Variants in DNAH3 observed in about 807,000 individuals in gnomAD.
The protein encoded by DNAH3 is axonemal beta dynein heavy chain 3.
Under a neutral mutation model 432.5 loss-of-function variants are expected in DNAH3, and 332 were observed. The ratio of observed to expected loss-of-function variants is 0.77; its 90% CI spans 0.70 to 0.84. The LOEUF is 0.84. DNAH3 is among the 40% of genes least tolerant of loss of function. DNAH3 has a pLI of 0.00. For missense variants in DNAH3, 4,861 were observed against 5,114.0 expected, an observed-to-expected ratio of 0.95 and a Z score of 1.51; for synonymous variants, 1,956 against 1,900.2, an observed-to-expected ratio of 1.03 and a Z score of -0.76.
In DNAH3 at chr16:21,159,410, A is replaced by T; in HGVS notation, c.32T>A (p.Leu11Gln). The T allele has an allele frequency of 6.2e-7, 1 of 1,614,074 alleles. No individual in the cohort carries two copies. The highest frequency in any genetic ancestry group is 2.2e-5 in the East Asian group (1 of 44,868). The change falls in exon 1 of 62, where the codon CTG becomes CAG. Residue 11 changes from leucine to glutamine, a missense_variant. Coordinates refer to ENST00000261383, the Ensembl canonical transcript of DNAH3. ...TGGGCCCGGATGGGGAGGGGCGGCC[A>T]GTGTGAGCTCGAGGCGCCCTGTAGC...
chr16:21,151,730 AC>A (rs893520927), intron 1 of DNAH3, among the ~76,000 whole-genome samples: 1 of 152,184 alleles, frequency 6.6e-6, no homozygotes, highest in Admixed American at 6.5e-5. Flanking sequence ...TACGATAAAC[AC>A]AGAAATACAT....
intron 44 of DNAH3, among the ~76,000 whole-genome samples, chr16:20,995,390 C>T (rs564425690): frequency 1.3e-5 from 2 of 152,080 alleles, no homozygotes; most frequent in South Asian, 2.1e-4. Flanking sequence ...TTCAGCCTCC[C>T]GGGTAGCTGG....
intron 1 of DNAH3, among the ~76,000 whole-genome samples, chr16:21,151,593 C>T (rs762853676): frequency 6.6e-6 from 1 of 152,132 alleles, no homozygotes; most frequent in Non-Finnish European, 1.5e-5. Context: ...CTGCGCCCAG[C>T]CCAGTTTTTC....
rs1028544767 is a variant in DNAH3, at chr16:20,947,779, G to T, written c.11343+704C>A. ...TCAATAAAAGTAAGTGGTTTTTTTT[G>T]TTTGTTTGTTTGTTTTTTTGAGACA... On this transcript the variant is annotated intron_variant, in intron 57 of 61. Coordinates refer to ENST00000261383, the Ensembl canonical transcript of DNAH3. 7.9e-5 allele frequency among the ~76,000 whole-genome samples: 12 copies of T among 151,620 alleles called. No individual in the cohort carries two copies. The South Asian group carries it at 8.3e-4, about 10-fold the overall frequency.
chr16:20,935,272 T>G, intron 61 of DNAH3, 76 bp downstream of exon 61: 1 of 1,568,678 alleles, frequency 6.4e-7, no homozygotes, highest in Non-Finnish European at 8.7e-7. Flanking sequence ...TCCACATTTT[T>G]TGACTCATAA....
intron 38 of DNAH3, among the ~76,000 whole-genome samples, chr16:21,025,106 T>C (rs182143585): frequency 1.8e-4 from 27 of 152,090 alleles, no homozygotes; most frequent in Non-Finnish European, 3.4e-4. Context: ...TTTGTATTTT[T>C]AGTAGAGATG....
At chr16:21,155,593 G>A (rs1337983812) in intron 1 of DNAH3, among the ~76,000 whole-genome samples, 1 of 127,982 alleles carries the variant, frequency 7.8e-6, no homozygotes, top group African/African-American at 3.0e-5. Context: ...CTGCACTCCA[G>A]CCTGGGAGAC....
At chr16:21,033,428 T>C (rs2088996119) in intron 36 of DNAH3, among the ~76,000 whole-genome samples, 1 of 152,182 alleles carries the variant, frequency 6.6e-6, no homozygotes, top group South Asian at 2.1e-4. Flanking sequence ...ACCTGCATGC[T>C]GTTACTTAAT....
chr16:20,941,543 C>T (rs2083809310), exon 59 of DNAH3: 2 of 1,613,906 alleles, frequency 1.2e-6, no homozygotes, highest in African/African-American at 2.7e-5. Context: ...TCAACCACTT[C>T]CTTAAAATGC....
chr16:20,984,335 C>T (rs1334547020), intron 48 of DNAH3, among the ~76,000 whole-genome samples: 1 of 151,838 alleles, frequency 6.6e-6, no homozygotes, highest in Non-Finnish European at 1.5e-5. Context: ...CAGAGGTGAG[C>T]CTGGGTAAAA....
intron 18 of DNAH3, among the ~76,000 whole-genome samples, chr16:21,096,376 C>G (rs2091680608): frequency 1.3e-5 from 2 of 151,830 alleles, no homozygotes; most frequent in African/African-American, 4.8e-5. Context: ...ATGCAATCCC[C>G]CTGCATCAGC....
Position 21,109,244 on chromosome 16 carries a change from A to G in DNAH3, c.2099+2382T>C, listed in dbSNP as rs150328357. Among the ~76,000 whole-genome samples, 179 of 152,342 alleles carry G rather than the reference A, an allele frequency of 1.2e-3. No homozygotes were observed. In the Middle Eastern group the frequency reaches 0.014, roughly 12 times the overall value. On this transcript the variant is annotated intron_variant, in intron 14 of 61. Transcript: ENST00000261383. ...TCTGACCTCTTCATCAATGAATGAG[A>G]AAGCTGCTTGCACATGGACTTTGAG...
intron 61 of DNAH3, among the ~76,000 whole-genome samples, chr16:20,935,028 A>G (rs1450243522): frequency 2.6e-5 from 4 of 152,122 alleles, no homozygotes; most frequent in African/African-American, 4.8e-5. Flanking sequence ...AGGACTACCT[A>G]AGGGCATTAA....
chr16:21,156,159 ATTC>A (rs1196797709), intron 1 of DNAH3, among the ~76,000 whole-genome samples: 3 of 145,418 alleles, frequency 2.1e-5, no homozygotes, highest in Admixed American at 1.4e-4. Flanking sequence ...TCTGGGAGTT[ATTC>A]TTATTTTATT....
chr16:21,021,379 G>A (rs2088210167), intron 40 of DNAH3, among the ~76,000 whole-genome samples: 1 of 152,110 alleles, frequency 6.6e-6, no homozygotes, highest in African/African-American at 2.4e-5. Context: ...ATCCCTGTGA[G>A]GTAAAAAGGG....
chr16:20,988,832 G>GT (rs980219011), intron 44 of DNAH3, among the ~76,000 whole-genome samples: 20 of 152,286 alleles, frequency 1.3e-4, no homozygotes, highest in African/African-American at 4.6e-4. Flanking sequence ...TGTGTTCGGA[G>GT]TTTTTTCCTT....
intron 53 of DNAH3, among the ~76,000 whole-genome samples, chr16:20,961,605 G>A (rs1228257449): frequency 6.6e-6 from 1 of 151,848 alleles, no homozygotes; most frequent in African/African-American, 2.4e-5. Context: ...ATGAGAAGAG[G>A]AGATGAGGAC....
chr16:20,965,127 C>G, exon 53 of DNAH3: 1 of 1,614,158 alleles, frequency 6.2e-7, no homozygotes, highest in Non-Finnish European at 8.5e-7. Context: ...TCAGCTTCTG[C>G]ATCTGTGCAG....
chr16:21,051,509 A>T (rs568697229), intron 29 of DNAH3, among the ~76,000 whole-genome samples, 161 bp downstream of exon 29: 1 of 152,316 alleles, frequency 6.6e-6, no homozygotes, highest in African/African-American at 2.4e-5. Context: ...GTCTAGCCTG[A>T]AGACCTAGTT....
Sources: gnomAD v4.1 joint callset for allele counts (sites outside exome capture counted in the v4.1 genomes callset) on GRCh38, gnomAD v4.1.1 for gene constraint, MANE v1.5 for transcripts, NCBI Gene and HGNC (gene_info 2026-07-23, HGNC 2026-07-21) for gene names.